Variants in TACC3 observed in about 807,000 individuals in gnomAD.
The protein encoded by TACC3 is transforming acidic coiled-coil containing protein 3.
Under a neutral mutation model 86.0 loss-of-function variants are expected in TACC3, and 52 were observed. The ratio of observed to expected loss-of-function variants is 0.60; its 90% CI spans 0.48 to 0.76. The LOEUF is 0.76. Ranked by LOEUF, TACC3 falls within the 30% of genes least tolerant of loss-of-function variation. TACC3 has a pLI of 0.00. For missense variants in TACC3, 1,120 were observed against 1,070.4 expected (o/e 1.05, Z -0.65); for synonymous variants, 512 against 430.0 (o/e 1.19, Z -2.36).
intron 6 of TACC3, among the ~76,000 whole-genome samples, chr4:1,734,889 A>G (rs1357424686): frequency 6.6e-6 from 1 of 151,874 alleles, no homozygotes. Context: ...CAAGTGATCC[A>G]CTCGCCTCAG....
At position 1,738,295 on chromosome 4, in the gene TACC3, C is replaced by T. The variant is rs141976438; in HGVS notation, c.1941+593C>T. On this transcript the variant is annotated intron_variant, in intron 10 of 15. Transcript: ENST00000313288. ...GTGCAGACAGGGTGGTTCCGGAGGC[C>T]GGCTGGCAGGGCTGGGTTCAAGCCC... The T allele has an allele frequency of 3.8e-3, 868 of 225,996 alleles. 5 individuals carry two copies. Among genetic ancestry groups the T allele is most frequent in the African/African-American group, 0.019 (823 of 43,876 alleles). The allele number at this position is 225,996 out of a possible 1,614,324, so 14.0% of individuals were successfully genotyped here.
intron 6 of TACC3, among the ~76,000 whole-genome samples, chr4:1,733,516 T>TA (rs1553828187): frequency 3.3e-5 from 5 of 151,754 alleles, no homozygotes; most frequent in African/African-American, 1.2e-4. Flanking sequence ...TTTTATTACC[T>TA]GGCATGGTGG....
Position 1,723,355 on chromosome 4 carries a change from C to T in TACC3, c.-1-66C>T, listed in dbSNP as rs188247418. On this transcript the variant is annotated intron_variant, in intron 1 of 15. Transcript: ENST00000313288. ...GTCGTGCCCCTTGCAGCAGCTGTCACGTCTGTGTCTGGACAATGTGGTAGT... is the reference window on the plus strand; with the variant it reads ...GTCGTGCCCCTTGCAGCAGCTGTCATGTCTGTGTCTGGACAATGTGGTAGT... The T allele has an allele frequency of 2.8e-3, 4,380 of 1,542,206 alleles. 7 individuals are homozygous for T. Among genetic ancestry groups the T allele is most frequent in the Non-Finnish European group, 3.1e-3 (3,549 of 1,129,860 alleles).
In TACC3 at chr4:1,745,077, G is replaced by C; in HGVS notation, c.*64G>C. ...CTGTCTGTCCTGTCTGATTCTCTTA[G>C]GTGTCATGTTCTTTTTTCTGTCTTG... is the stretch of plus-strand genomic sequence containing the variant. On this transcript the variant is annotated 3_prime_UTR_variant, in exon 16 of 16. Coordinates refer to ENST00000313288, the MANE Select transcript of TACC3 (RefSeq NM_006342.3). The C allele has an allele frequency of 6.7e-7, 1 of 1,496,534 alleles. No individual in the cohort carries two copies. Among genetic ancestry groups the C allele is most frequent in the Non-Finnish European group, 9.0e-7 (1 of 1,105,312 alleles). The allele number at this position is 1,496,534 out of a possible 1,614,324, so 92.7% of individuals were successfully genotyped here. A position where few individuals can be genotyped will look rare whatever the true frequency, so the allele number is the denominator to read the frequency against.
upstream of TACC3, chr4:1,721,371 C>CGGGGG (rs1296603260): frequency 2.1e-4 from 1 of 4,868 alleles, no homozygotes; most frequent in Non-Finnish European, 4.9e-4. Context: ...GGCGCCCGAG[C>CGGGGG]GGGGGGTGGG....
At chr4:1,732,421 G>T (rs1439416596) in intron 6 of TACC3, among the ~76,000 whole-genome samples, 1 of 152,210 alleles carries the variant, frequency 6.6e-6, no homozygotes, top group Admixed American at 6.5e-5. Flanking sequence ...CAGTTTGTCC[G>T]TAAGATTGGA....
chr4:1,727,977 A>G lies in TACC3; in HGVS notation c.575A>G (p.Asp192Gly). Residue 192 changes from aspartate to glycine, a missense_variant, in exon 4 of 16, where the codon GAC becomes GGC. Physicochemically the swap from Asp to Gly is moderately conservative, Grantham distance 94. Coordinates refer to ENST00000313288, the MANE Select transcript of TACC3 (RefSeq NM_006342.3). Reference sequence around the variant, plus strand: ...GAAAACCTTAGTTCCTATTCCTTAGACAGAAGAGTGACACCCGCCTCTGAG... The same window carrying G: ...GAAAACCTTAGTTCCTATTCCTTAGGCAGAAGAGTGACACCCGCCTCTGAG... ...VEENLSSYSL[D>G]RRVTPASETL... is the part of the protein sequence containing the mutation. The G allele has an allele frequency of 6.2e-7, 1 of 1,613,222 alleles. No homozygotes were observed. Among genetic ancestry groups the G allele is most frequent in the Non-Finnish European group, 8.5e-7 (1 of 1,180,030 alleles).
chr4:1,740,736 C>A, intron 12 of TACC3, 90 bp from the exon 13 acceptor site: 1 of 1,219,876 alleles, frequency 8.2e-7, no homozygotes, highest in Non-Finnish European at 1.2e-6. Context: ...TCCTGGCGCT[C>A]GAGTCCCTTG....
chr4:1,740,099 C>T (rs1718508965), intron 12 of TACC3, 97 bp downstream of exon 12: 1 of 1,244,914 alleles, frequency 8.0e-7, no homozygotes, highest in Non-Finnish European at 1.2e-6. Flanking sequence ...CCCCACCCTC[C>T]TGAGGCCCCT....
intron 10 of TACC3, 51 bp from the exon 11 acceptor site, chr4:1,739,651 G>T: frequency 6.5e-7 from 1 of 1,530,334 alleles, no homozygotes; most frequent in Non-Finnish European, 8.8e-7. Flanking sequence ...GGAGGTCCTG[G>T]GAGGGTCAGT....
At chr4:1,734,842 G>C (rs1209674558) in intron 6 of TACC3, among the ~76,000 whole-genome samples, 3 of 152,068 alleles carry the variant, frequency 2.0e-5, no homozygotes. Context: ...TGTATTTTTT[G>C]TACAGACAAG....
chr4:1,723,468 A>T lies in TACC3; in HGVS notation c.47A>T (p.Asn16Ile). The change falls in exon 2 of 16, where the codon AAT becomes ATT. Residue 16 changes from asparagine (N) to isoleucine (I), a missense_variant. By Grantham distance (149) the Asn-to-Ile change is moderately radical. Coordinates refer to ENST00000313288, the MANE Select transcript of TACC3 (RefSeq NM_006342.3). ...GACAAAAATGTCAGCAATGAAAAAA[A>T]TACAGAAAATTGCGACTTCCTGTTT... ...LNDKNVSNEK[N>I]TENCDFLFSP... 1.2e-6 allele frequency: 2 copies of T among 1,613,684 alleles called. No homozygotes were observed. The highest frequency in any genetic ancestry group is 1.7e-6 in the Non-Finnish European group (2 of 1,179,994).
At position 1,735,662 on chromosome 4, in the gene TACC3, C is replaced by G. The variant is rs1718220515; in HGVS notation, c.1645-69C>G. The G allele has an allele frequency of 2.4e-6, 3 of 1,261,850 alleles. No homozygotes were observed. In the African/African-American group the frequency reaches 5.0e-5, roughly 21 times the overall value. The allele number at this position is 1,261,850 out of a possible 1,614,324, so 78.2% of individuals were successfully genotyped here. On this transcript the variant is annotated intron_variant, in intron 7 of 15. Transcript: ENST00000313288. The surrounding 1 kb of genome is among the most constrained non-coding windows in gnomAD (Gnocchi z 4.2). ...GGGTGGGAGTGTGCAGGTGACCTCC[C>G]TGGCCCTTAGCCCCCGTGTGTGTTA...
intron 8 of TACC3, among the ~76,000 whole-genome samples, chr4:1,736,441 A>AAC (rs1186553582): frequency 1.3e-5 from 2 of 151,466 alleles, no homozygotes; most frequent in Non-Finnish European, 2.9e-5. Context: ...AAAAAAAAAA[A>AAC]AAAACCAAAA....
intron 1 of TACC3, chr4:1,722,005 CT>C (rs1159058131): frequency 9.8e-5 from 15 of 152,450 alleles, no homozygotes; most frequent in African/African-American, 3.6e-4. Flanking sequence ...TCCTGTTGTT[CT>C]TTGGTCCCTT....
chr4:1,721,212 G>C (rs993244805), upstream of TACC3: 2 of 172,342 alleles, frequency 1.2e-5, no homozygotes, highest in African/African-American at 4.7e-5. Context: ...GAGCACAGGT[G>C]GGGAAACTTA....
At chr4:1,732,328 T>TTAAA (rs575960549) in intron 6 of TACC3, among the ~76,000 whole-genome samples, 5 of 127,988 alleles carry the variant, frequency 3.9e-5, no homozygotes, top group African/African-American at 5.9e-5. Context: ...GAGGCTGCAG[T>TTAAA]TGAATACGGT....
In TACC3 at chr4:1,744,972, A is replaced by G. The variant is rs1248646098; in HGVS notation, c.2476A>G (p.Arg826Gly). ...QKTKENEELT[R>G]ICDDLISKME... Reference sequence around the variant, plus strand: ...GACTAAAGAGAACGAGGAGCTGACCAGGATCTGCGACGACCTCATCTCCAA... The same window carrying G: ...GACTAAAGAGAACGAGGAGCTGACCGGGATCTGCGACGACCTCATCTCCAA... Residue 826 changes from arginine to glycine, a missense_variant, in exon 16 of 16, where the codon AGG (arginine) becomes GGG (glycine). By Grantham distance (125) the Arg-to-Gly change is moderately radical (BLOSUM62 -2). Transcript: ENST00000313288. 1 of 1,611,466 alleles carries G rather than the reference A, an allele frequency of 6.2e-7. No individual in the cohort carries two copies. Among genetic ancestry groups the G allele is most frequent in the Non-Finnish European group, 8.5e-7 (1 of 1,179,424 alleles).
At chr4:1,728,839 T>C (rs562651438) in intron 4 of TACC3, 52 bp downstream of exon 4, 3 of 1,526,228 alleles carry the variant, frequency 2.0e-6, no homozygotes, top group East Asian at 2.3e-5. Context: ...TGCCCTGCAG[T>C]GTATGTGGTC....
Sources: gnomAD v4.1 joint callset for allele counts (sites outside exome capture counted in the v4.1 genomes callset) on GRCh38, gnomAD v4.1.1 for gene constraint, Gnocchi (gnomAD v3.1) non-coding constraint, MANE v1.5 for transcripts, NCBI Gene and HGNC (gene_info 2026-07-23, HGNC 2026-07-21) for gene names.